The following RYR3 variants were observed in gnomAD, a reference collection of about 807,000 sequenced individuals.
RYR3 encodes the protein ryanodine receptor 3.
A neutral mutation model predicts 584.3 loss-of-function variants in RYR3; 207 were observed. That is an observed-to-expected ratio of 0.35 (90% CI 0.32 to 0.40). The LOEUF is 0.40. RYR3 is among the 10% of genes least tolerant of loss of function. RYR3 has a pLI of 1.00. For synonymous variants in RYR3, 2,416 were observed against 2,248.5 expected, an observed-to-expected ratio of 1.07 and a Z score of -2.11; for missense variants, 5,616 against 6,089.2, an observed-to-expected ratio of 0.92 and a Z score of 2.59.
chr15:33,760,246 C>T (rs1268901055), intron 60 of RYR3, among the ~76,000 whole-genome samples: 2 of 152,042 alleles, frequency 1.3e-5, no homozygotes, highest in African/African-American at 2.4e-5. Flanking sequence ...CAAAATAACC[C>T]GCTAGCATCA....
intron 38 of RYR3, 101 bp from the exon 39 acceptor site, chr15:33,696,117 C>A (rs528294186): frequency 1.7e-6 from 2 of 1,175,934 alleles, no homozygotes; most frequent in South Asian, 3.0e-5. Context: ...TTTGTAACCT[C>A]AACCAATGAT....
chr15:33,661,389 A>G lies in RYR3; in HGVS notation c.4623-764A>G, dbSNP rs79076239. 5.1e-3 allele frequency among the ~76,000 whole-genome samples: 784 copies of G among 152,288 alleles called. 8 individuals are homozygous for G. The highest frequency in any genetic ancestry group is 0.017 in the African/African-American group (717 of 41,546). Reference sequence around the variant, plus strand: ...ACAAGAGTGCAGAGTATGTTTGTGAAAACAAAACAAGTATGTTTGTTTTCA... The same window carrying G: ...ACAAGAGTGCAGAGTATGTTTGTGAGAACAAAACAAGTATGTTTGTTTTCA... On this transcript the variant is annotated intron_variant, in intron 34 of 103. Coordinates refer to ENST00000634891, the MANE Select transcript of RYR3 (RefSeq NM_001036.6).
intron 1 of RYR3, among the ~76,000 whole-genome samples, chr15:33,362,117 C>G (rs80328989): frequency 0.088 from 13,334 of 152,222 alleles, 685 homozygotes; most frequent in Middle Eastern, 0.13. Flanking sequence ...GTAAATAACA[C>G]AGCACCCTTG....
At chr15:33,831,925 A>G (rs1473221599) in intron 86 of RYR3, among the ~76,000 whole-genome samples, 2 of 152,220 alleles carry the variant, frequency 1.3e-5, no homozygotes, top group African/African-American at 4.8e-5. Flanking sequence ...GAAGCACAGT[A>G]TATTGCCTCT....
At chr15:33,674,147 C>T (rs1382025900) in intron 38 of RYR3, among the ~76,000 whole-genome samples, 4 of 152,168 alleles carry the variant, frequency 2.6e-5, no homozygotes, top group African/African-American at 7.2e-5. Flanking sequence ...AGCCCTAAAC[C>T]AAAATTCTCT....
chr15:33,462,689 A>G (rs1374631531), intron 1 of RYR3, among the ~76,000 whole-genome samples: 2 of 152,220 alleles, frequency 1.3e-5, no homozygotes, highest in African/African-American at 4.8e-5. Flanking sequence ...GATAACATAC[A>G]AACACAGATA....
At chr15:33,688,572 CAAAAAAAAAA>C (rs34312921) in intron 38 of RYR3, among the ~76,000 whole-genome samples, 4 of 63,644 alleles carry the variant, frequency 6.3e-5, no homozygotes, top group East Asian at 3.0e-4. Flanking sequence ...GACTCCATCT[CAAAAAAAAAA>C]AAAAAAAAAG....
chr15:33,767,769 C>T (rs11856137), intron 60 of RYR3, among the ~76,000 whole-genome samples: 1,647 of 152,248 alleles, frequency 0.011, 31 homozygotes, highest in African/African-American at 0.038. Flanking sequence ...CTGCAAAGTT[C>T]TTGTCTAGCC....
At chr15:33,551,211 T>C (rs766633992) in intron 10 of RYR3, among the ~76,000 whole-genome samples, 9 of 152,348 alleles carry the variant, frequency 5.9e-5, no homozygotes, top group Admixed American at 1.3e-4. Flanking sequence ...TCTGCACAGA[T>C]GCTTGCACAG....
At chr15:33,689,782 C>G (rs561126162) in intron 38 of RYR3, among the ~76,000 whole-genome samples, 1 of 43,610 alleles carries the variant, frequency 2.3e-5, no homozygotes, top group South Asian at 6.9e-4. Flanking sequence ...GTCTTATTTC[C>G]TAATTGTCTG....
intron 43 of RYR3, among the ~76,000 whole-genome samples, chr15:33,707,872 G>A (rs763285267): frequency 2.6e-5 from 4 of 152,062 alleles, no homozygotes; most frequent in Admixed American, 1.3e-4. Context: ...TTATATTCCC[G>A]TGTGCTTTTC....
chr15:33,642,421 C>A (rs1402272955), intron 27 of RYR3, among the ~76,000 whole-genome samples: 2 of 152,220 alleles, frequency 1.3e-5, no homozygotes, highest in African/African-American at 4.8e-5. Context: ...CTAGTTACCT[C>A]CCTTAGTAGA....
intron 1 of RYR3, among the ~76,000 whole-genome samples, chr15:33,341,293 C>T (rs1383358297): frequency 6.6e-6 from 1 of 152,130 alleles, no homozygotes; most frequent in Non-Finnish European, 1.5e-5. Context: ...CCCGCGTCAG[C>T]CTCCCAAAGT....
At chr15:33,370,584 C>A (rs78512350) in intron 1 of RYR3, among the ~76,000 whole-genome samples, 6,407 of 152,106 alleles carry the variant, frequency 0.042, 188 homozygotes, top group African/African-American at 0.085. Flanking sequence ...ACAAAGTAAA[C>A]GTATTGGACA....
chr15:33,443,849 T>A (rs1440697904), intron 1 of RYR3, among the ~76,000 whole-genome samples: 1 of 152,228 alleles, frequency 6.6e-6, no homozygotes, highest in Non-Finnish European at 1.5e-5. Flanking sequence ...GCTCCTGTTA[T>A]CATTTTTGGA....
intron 1 of RYR3, among the ~76,000 whole-genome samples, chr15:33,402,137 G>A (rs1052433295): frequency 1.7e-4 from 26 of 152,048 alleles, no homozygotes; most frequent in African/African-American, 6.0e-4. Context: ...TAATTTAAAT[G>A]TTGCATTTCA....
At chr15:33,411,091 C>A (rs1232854996) in intron 1 of RYR3, among the ~76,000 whole-genome samples, 1 of 152,130 alleles carries the variant, frequency 6.6e-6, no homozygotes, top group Admixed American at 6.5e-5. Flanking sequence ...GGTGGGGACA[C>A]AGACCAACCC....
chr15:33,518,607 A>T (rs1006152065), intron 3 of RYR3, among the ~76,000 whole-genome samples: 2 of 152,208 alleles, frequency 1.3e-5, no homozygotes, highest in Admixed American at 1.3e-4. Flanking sequence ...TGTCAGTGTG[A>T]TAAATTTGCT....
intron 1 of RYR3, among the ~76,000 whole-genome samples, chr15:33,413,704 G>T (rs2676018): frequency 5.9e-5 from 9 of 152,208 alleles, no homozygotes; most frequent in African/African-American, 1.7e-4. Flanking sequence ...TGTGCAGCAG[G>T]CCTGTGGTCC....
Sources: allele counts gnomAD v4.1 joint callset (sites outside exome capture counted in the v4.1 genomes callset), GRCh38; gene constraint gnomAD v4.1.1; transcripts MANE v1.5; gene names NCBI Gene and HGNC (gene_info 2026-07-23, HGNC 2026-07-21).